The following GRIN2D variants were observed in gnomAD, a reference collection of about 807,000 sequenced individuals.
The protein encoded by GRIN2D is glutamate ionotropic receptor NMDA type subunit 2D.
A neutral mutation model predicts 103.2 loss-of-function variants in GRIN2D; 37 were observed. The ratio of observed to expected loss-of-function variants is 0.36; its 90% CI spans 0.28 to 0.47. The LOEUF (loss-of-function observed/expected upper bound fraction) is 0.47. GRIN2D is among the 20% of genes least tolerant of loss of function. GRIN2D has a pLI of 1.00. For missense variants in GRIN2D, 1,557 were observed against 1,910.6 expected (o/e 0.81, Z 3.45); for synonymous variants, 845 against 885.6 (o/e 0.95, Z 0.81).
In GRIN2D at chr19:48,405,139, C is replaced by A. The variant is rs753527945; in HGVS notation, c.871C>A (p.Pro291Thr). The A allele has an allele frequency of 1.7e-5, 26 of 1,573,350 alleles. No homozygotes were observed. The highest frequency in any genetic ancestry group is 3.6e-4 in the Middle Eastern group (2 of 5,600). ...GGGGSGAPGE[P>T]PLLPGGAPLP... ...CGGGGGCTCTGGGGCCCCTGGTGAGCCCCCTCTTCTGCCAGGAGGCGCCCC... is the reference window on the plus strand; with the variant it reads ...CGGGGGCTCTGGGGCCCCTGGTGAGACCCCTCTTCTGCCAGGAGGCGCCCC... The change falls in exon 4 of 14, where the codon CCC becomes ACC. Residue 291 changes from proline to threonine, a missense_variant. Around this residue, in one of 7 missense-constraint regions of GRIN2D, gnomAD observed 490 missense variants for 601.1 expected, o/e 0.82. Transcript: ENST00000263269. This position sits in a 1 kb window ranked among gnomAD's most constrained non-coding sequence, Gnocchi z 5.1.
In GRIN2D at chr19:48,421,679, C is replaced by A; in HGVS notation, c.2092-106C>A. 2 of 888,942 alleles carry A rather than the reference C, an allele frequency of 2.2e-6. No homozygotes were observed. The highest frequency in any genetic ancestry group is 3.6e-6 in the Non-Finnish European group (2 of 552,992). The allele number at this position is 888,942 out of a possible 1,614,324, so 55.1% of individuals were successfully genotyped here. On this transcript the variant is annotated intron_variant, in intron 10 of 13. Coordinates refer to ENST00000263269, the MANE Select transcript of GRIN2D (RefSeq NM_000836.4). The surrounding 1 kb of genome is among the most constrained non-coding windows in gnomAD (Gnocchi z 4.8). ...GAGTGTTGAGAAATATTGAACACTCCTGGGACTGGGGTGTCTGCCAGATAG... is the reference window on the plus strand; with the variant it reads ...GAGTGTTGAGAAATATTGAACACTCATGGGACTGGGGTGTCTGCCAGATAG...
At chr19:48,426,558 CTCT>C (rs895105920) in intron 11 of GRIN2D, among the ~76,000 whole-genome samples, 5 of 151,166 alleles carry the variant, frequency 3.3e-5, no homozygotes, top group Non-Finnish European at 7.4e-5. Context: ...GTGTAATTGC[CTCT>C]TTTTTTTTTA....
At chr19:48,427,463 T>A (rs1280818934) in intron 11 of GRIN2D, among the ~76,000 whole-genome samples, 1 of 145,894 alleles carries the variant, frequency 6.9e-6, no homozygotes, top group Admixed American at 6.8e-5. Flanking sequence ...CATTCCTATA[T>A]CTTCTTTTCT....
At chr19:48,435,884 G>A (rs1371556413) in intron 11 of GRIN2D, among the ~76,000 whole-genome samples, 2 of 152,256 alleles carry the variant, frequency 1.3e-5, no homozygotes, top group Non-Finnish European at 2.9e-5. Context: ...GCAATGCACG[G>A]AATAAATGAG....
chr19:48,419,310 C>T lies in GRIN2D; in HGVS notation c.1812C>T (p.Phe604=), dbSNP rs1337780157. Residue 604 remains phenylalanine, a synonymous_variant, in exon 9 of 14, where the codon TTC becomes TTT. Coordinates refer to ENST00000263269, the MANE Select transcript of GRIN2D (RefSeq NM_000836.4). ...TGGTCGCCGTCACTGTTTTCATCTT[C>T]GAGTACCTCAGTCCTGTTGGTTACA... ...LTVVAVTVFI[F]EYLSPVGYNR... is the part of the protein sequence containing the mutation. 1.2e-6 allele frequency: 2 copies of T among 1,610,384 alleles called. No individual in the cohort carries two copies. The highest frequency in any genetic ancestry group is 1.7e-6 in the Non-Finnish European group (2 of 1,179,694).
chr19:48,416,190 AG>A (rs1970946546), intron 8 of GRIN2D, 35 bp downstream of exon 8: 2 of 1,599,740 alleles, frequency 1.3e-6, no homozygotes, highest in African/African-American at 1.3e-5. Context: ...AGCTAGCCCT[AG>A]GCAAAGTAGC....
intron 11 of GRIN2D, among the ~76,000 whole-genome samples, chr19:48,439,215 C>T (rs974218737): frequency 2.0e-5 from 3 of 149,670 alleles, no homozygotes; most frequent in African/African-American, 4.9e-5. Flanking sequence ...AGAGTGAGAC[C>T]CCATCTCTAA....
chr19:48,436,800 G>A (rs1450928794), intron 11 of GRIN2D, among the ~76,000 whole-genome samples: 1 of 152,218 alleles, frequency 6.6e-6, no homozygotes, highest in African/African-American at 2.4e-5. Flanking sequence ...CCTGGGGCAG[G>A]AGCGAGCTGG....
chr19:48,395,785 G>T (rs1446274011), intron 2 of GRIN2D, among the ~76,000 whole-genome samples: 1 of 152,114 alleles, frequency 6.6e-6, no homozygotes, highest in Non-Finnish European at 1.5e-5. Flanking sequence ...AAACCAAAAG[G>T]GGATCCTTAA....
intron 4 of GRIN2D, among the ~76,000 whole-genome samples, chr19:48,412,842 A>T (rs1970892415): frequency 6.7e-6 from 1 of 149,180 alleles, no homozygotes; most frequent in Non-Finnish European, 1.5e-5. Flanking sequence ...AAAAAAAAAA[A>T]AGAAAGAGGA....
At chr19:48,430,154 A>G (rs1371622175) in intron 11 of GRIN2D, among the ~76,000 whole-genome samples, 1 of 152,176 alleles carries the variant, frequency 6.6e-6, no homozygotes, top group Non-Finnish European at 1.5e-5. Flanking sequence ...CAGCTGCCAC[A>G]GTAGTAAACC....
At chr19:48,402,794 G>T (rs899193503) in intron 3 of GRIN2D, among the ~76,000 whole-genome samples, 2 of 145,058 alleles carry the variant, frequency 1.4e-5, no homozygotes, top group East Asian at 4.0e-4. Flanking sequence ...GAGAGAGAGA[G>T]AGAGAGAGAG....
chr19:48,440,108 G>A (rs1971274068), intron 11 of GRIN2D, among the ~76,000 whole-genome samples: 1 of 152,202 alleles, frequency 6.6e-6, no homozygotes, highest in African/African-American at 2.4e-5. Flanking sequence ...CTACTTGGGT[G>A]GCTGAGGCAG....
chr19:48,397,375 C>T (rs748230471), intron 2 of GRIN2D, among the ~76,000 whole-genome samples: 8 of 152,044 alleles, frequency 5.3e-5, no homozygotes, highest in African/African-American at 1.9e-4. Context: ...TCCTGCCACT[C>T]GCCTTCCCCG....
chr19:48,424,654 C>A (rs189493899), intron 11 of GRIN2D, among the ~76,000 whole-genome samples: 338 of 152,138 alleles, frequency 2.2e-3, no homozygotes, highest in Non-Finnish European at 3.8e-3. Flanking sequence ...TGGGTGAGAC[C>A]GTTTACATAA....
chr19:48,444,364 CTG>C lies in GRIN2D; in HGVS notation c.*430_*431del. ...ACCTTTCATCCATTGGGACTCAAAA[CTG>C]TGAGACGCGTTCGCCAAACTGTGAC... On this transcript the variant is annotated 3_prime_UTR_variant, in exon 14 of 14. Coordinates refer to ENST00000263269, the MANE Select transcript of GRIN2D (RefSeq NM_000836.4). The surrounding 1 kb of genome is among the most constrained non-coding windows in gnomAD (Gnocchi z 5.5). The C allele has an allele frequency of 6.4e-6, 1 of 157,004 alleles. No homozygotes were observed. Among genetic ancestry groups the C allele is most frequent in the Admixed American group, 6.5e-5 (1 of 15,422 alleles). 9.7% of individuals were successfully genotyped at this position (157,004 alleles called of 1,614,324 possible).
In GRIN2D at chr19:48,442,630, G is replaced by A. The variant is rs754328663; in HGVS notation, c.2704G>A (p.Ala902Thr). The A allele has an allele frequency of 1.3e-6, 2 of 1,493,162 alleles. No individual in the cohort carries two copies. Among genetic ancestry groups the A allele is most frequent in the Admixed American group, 2.1e-5 (1 of 47,820 alleles). The allele number at this position is 1,493,162 out of a possible 1,614,324, so 92.5% of individuals were successfully genotyped here. The change falls in exon 14 of 14, where the codon GCC (alanine) becomes ACC (threonine). Residue 902 changes from alanine to threonine, a missense_variant. Ala to Thr is a moderately conservative substitution (Grantham distance 58). Coordinates refer to ENST00000263269, the MANE Select transcript of GRIN2D (RefSeq NM_000836.4). The surrounding 1 kb of genome is among the most constrained non-coding windows in gnomAD (Gnocchi z 7.2). ...GTACAGCTGCTGCAGCGCTGAGGCC[G>A]CCCCACCGCCCGCCAAGCCCCCGCC... is the stretch of plus-strand genomic sequence containing the variant. Reference protein sequence around the residue: ...GMYSCCSAEAAPPPAKPPPPP... With the variant: ...GMYSCCSAEATPPPAKPPPPP...
At chr19:48,438,891 C>A (rs147867827) in intron 11 of GRIN2D, among the ~76,000 whole-genome samples, 1 of 151,224 alleles carries the variant, frequency 6.6e-6, no homozygotes, top group Non-Finnish European at 1.5e-5. Context: ...AGGGATCCTC[C>A]TGCCTCAGCC....
At position 48,426,224 on chromosome 19, in the gene GRIN2D, C is replaced by CTTTCTTTTTTTTTTTTTT. The variant is rs1555893889; in HGVS notation, c.2252+4282_2252+4283insCTTTTTTTTTTTTTTTTT. ...TTTCTTTTTCTTTCTTTCTTTCTTT[C>CTTTCTTTTTTTTTTTTTT]TTTTTTTTTTTTTTTTTCTGAAACA... is the stretch of plus-strand genomic sequence containing the variant. On this transcript the variant is annotated intron_variant, in intron 11 of 13. Coordinates refer to ENST00000263269, the MANE Select transcript of GRIN2D (RefSeq NM_000836.4). Among the ~76,000 whole-genome samples the CTTTCTTTTTTTTTTTTTT allele has an allele frequency of 1.6e-3, 197 of 120,050 alleles. 4 individuals are homozygous for CTTTCTTTTTTTTTTTTTT. Among genetic ancestry groups the CTTTCTTTTTTTTTTTTTT allele is most frequent in the African/African-American group, 6.6e-3 (184 of 27,902 alleles). The allele number at this position is 120,050 out of a possible 152,430, so 78.8% of individuals were successfully genotyped here.
Sources: allele counts gnomAD v4.1 joint callset (sites outside exome capture counted in the v4.1 genomes callset), GRCh38; gene constraint gnomAD v4.1.1; regional missense constraint gnomAD v4.1.1; non-coding constraint Gnocchi (gnomAD v3.1); transcripts MANE v1.5; gene names NCBI Gene and HGNC (gene_info 2026-07-23, HGNC 2026-07-21).